SGCZ: variants seen among roughly 807,000 people sequenced by gnomAD.
The protein encoded by SGCZ is zeta-sarcoglycan.
In SGCZ, 40 loss-of-function variants were observed where a neutral mutation model predicts 41.3. That is an observed-to-expected ratio of 0.97 (90% confidence interval 0.75 to 1.26). The LOEUF (loss-of-function observed/expected upper bound fraction) is 1.26. SGCZ is among the 50% of genes most tolerant of loss of function. The pLI is 0.00. For missense variants in SGCZ, 552 were observed against 369.8 expected (o/e 1.49, Z -4.04); for synonymous variants, 206 against 137.5 (o/e 1.50, Z -3.49).
At chr8:15,020,937 T>A (rs1803225921) in intron 1 of SGCZ, among the ~76,000 whole-genome samples, 1 of 152,188 alleles carries the variant, frequency 6.6e-6, no homozygotes, top group Admixed American at 6.5e-5. Context: ...GATTAGGAAA[T>A]GAATCTACAT....
In SGCZ at chr8:14,974,954, G is replaced by C. The variant is rs181008345; in HGVS notation, c.39+262631C>G. On this transcript the variant is annotated intron_variant, in intron 1 of 7. Transcript: ENST00000382080. ...AATTTGAAATTCCCAGTAATCTGTT[G>C]GGAAAAGGGACTTAAGGTTATCTCT... Among the ~76,000 whole-genome samples, 201 of 151,890 alleles carry C rather than the reference G, an allele frequency of 1.3e-3. 1 individual carries two copies. Among genetic ancestry groups the C allele is most frequent in the Non-Finnish European group, 1.9e-3 (127 of 67,990 alleles).
intron 2 of SGCZ, among the ~76,000 whole-genome samples, chr8:14,508,721 C>T (rs755083519): frequency 3.3e-4 from 50 of 152,088 alleles, no homozygotes; most frequent in Admixed American, 7.9e-4. Context: ...ACAGTAGCAA[C>T]GTTGGTTGTC....
chr8:14,339,456 G>T (rs527369981), intron 2 of SGCZ, among the ~76,000 whole-genome samples: 4 of 152,284 alleles, frequency 2.6e-5, no homozygotes, highest in East Asian at 1.9e-4. Context: ...GTTATTGCAG[G>T]TAATGACCTC....
intron 1 of SGCZ, among the ~76,000 whole-genome samples, chr8:15,067,870 T>C (rs1257419751): frequency 6.6e-6 from 1 of 152,096 alleles, no homozygotes; most frequent in Non-Finnish European, 1.5e-5. Context: ...TGCCCATTCC[T>C]CCTGTGCCAA....
chr8:15,232,761 A>G (rs1001203191), intron 1 of SGCZ, among the ~76,000 whole-genome samples: 2 of 143,972 alleles, frequency 1.4e-5, no homozygotes, highest in East Asian at 2.0e-4. Context: ...ATACATATAT[A>G]TGTGTGTATA....
chr8:14,111,136 C>T (rs1192873983), intron 5 of SGCZ, among the ~76,000 whole-genome samples: 1 of 152,040 alleles, frequency 6.6e-6, no homozygotes, highest in East Asian at 1.9e-4. Flanking sequence ...ATGTAGATTA[C>T]TAGTAGGGTT....
At chr8:14,792,578 T>C (rs73664478) in intron 1 of SGCZ, among the ~76,000 whole-genome samples, 5,602 of 152,032 alleles carry the variant, frequency 0.037, 345 homozygotes, top group African/African-American at 0.13. Flanking sequence ...TTTTATATTA[T>C]TATTATACTT....
At chr8:14,740,402 C>T (rs1393506045) in intron 1 of SGCZ, among the ~76,000 whole-genome samples, 1 of 151,924 alleles carries the variant, frequency 6.6e-6, no homozygotes, top group Admixed American at 6.6e-5. Context: ...TTTTTCCTTT[C>T]CTTTCCTTTT....
Position 14,963,837 on chromosome 8 carries a change from AC to A in SGCZ, c.39+273747del, listed in dbSNP as rs566360156. On this transcript the variant is annotated intron_variant, in intron 1 of 7. Transcript: ENST00000382080. ...TCTGTAGGAGAGATCACTCATTGCA[AC>A]CCCAAAGTTTCACGCTTTCCTTCAA... is the stretch of plus-strand genomic sequence containing the variant. 1.6e-4 allele frequency among the ~76,000 whole-genome samples: 25 copies of A among 152,106 alleles called. No homozygotes were observed. The South Asian group carries it at 4.8e-3, about 29-fold the overall frequency.
chr8:14,780,597 A>C (rs760696440), intron 1 of SGCZ, among the ~76,000 whole-genome samples: 19 of 152,128 alleles, frequency 1.2e-4, no homozygotes, highest in Non-Finnish European at 2.4e-4. Flanking sequence ...CTGGAGAAAC[A>C]GGTAGAATAA....
intron 1 of SGCZ, among the ~76,000 whole-genome samples, chr8:14,789,549 C>T (rs926217747): frequency 1.3e-5 from 2 of 152,124 alleles, no homozygotes; most frequent in Non-Finnish European, 2.9e-5. Context: ...GTATCTAAAA[C>T]TTACAAGGCT....
intron 4 of SGCZ, among the ~76,000 whole-genome samples, chr8:14,229,318 C>A (rs1806480653): frequency 6.6e-6 from 1 of 152,006 alleles, no homozygotes; most frequent in African/African-American, 2.4e-5. Context: ...AACATGATCA[C>A]TAGTGTCTTT....
intron 3 of SGCZ, among the ~76,000 whole-genome samples, chr8:14,280,515 T>C (rs1800386714): frequency 6.6e-6 from 1 of 151,976 alleles, no homozygotes; most frequent in East Asian, 1.9e-4. Flanking sequence ...CCATATGAAA[T>C]ATGACTCAAA....
At chr8:14,956,689 T>C (rs1258739417) in intron 1 of SGCZ, among the ~76,000 whole-genome samples, 5 of 152,224 alleles carry the variant, frequency 3.3e-5, no homozygotes, top group Non-Finnish European at 5.9e-5. Flanking sequence ...GATTGAGTGA[T>C]ATAAAAGTCA....
chr8:14,627,544 C>T (rs1336741902), intron 1 of SGCZ, among the ~76,000 whole-genome samples: 1 of 152,072 alleles, frequency 6.6e-6, no homozygotes, highest in Non-Finnish European at 1.5e-5. Context: ...ATCCTGAAAA[C>T]ATTATTTACC....
chr8:15,150,829 G>C (rs1799158178), intron 1 of SGCZ, among the ~76,000 whole-genome samples: 1 of 152,026 alleles, frequency 6.6e-6, no homozygotes, highest in Non-Finnish European at 1.5e-5. Flanking sequence ...TTTGTTTTCT[G>C]TTTTCTTTAC....
chr8:14,382,294 G>A (rs1434497520), intron 2 of SGCZ, among the ~76,000 whole-genome samples: 1 of 152,060 alleles, frequency 6.6e-6, no homozygotes, highest in Non-Finnish European at 1.5e-5. Context: ...ACATCCTAGA[G>A]ATTTCGGTCT....
At chr8:14,413,465 C>T (rs571285973) in intron 2 of SGCZ, among the ~76,000 whole-genome samples, 1 of 151,954 alleles carries the variant, frequency 6.6e-6, no homozygotes, top group East Asian at 1.9e-4. Flanking sequence ...AGATTTCTGT[C>T]GTAAGTGGAT....
chr8:14,355,831 T>C (rs1355365142), intron 2 of SGCZ, among the ~76,000 whole-genome samples: 2 of 152,094 alleles, frequency 1.3e-5, no homozygotes, highest in African/African-American at 4.8e-5. Flanking sequence ...GCAAATTCCC[T>C]GGTCTAGTGT....
Sources: allele counts gnomAD v4.1 joint callset (sites outside exome capture counted in the v4.1 genomes callset), GRCh38; gene constraint gnomAD v4.1.1; transcripts MANE v1.5; gene names NCBI Gene and HGNC (gene_info 2026-07-23, HGNC 2026-07-21).